NCOA2: variants seen among roughly 807,000 people sequenced by gnomAD.
NCOA2 encodes class E basic helix-loop-helix protein 75.
NCOA2 carries 21 observed loss-of-function variants against 145.1 expected under a neutral mutation model. That is an observed-to-expected ratio of 0.14 (90% confidence interval 0.10 to 0.21). The LOEUF is 0.21. Ranked by LOEUF, NCOA2 falls within the 10% of genes least tolerant of loss-of-function variation. The probability of loss-of-function intolerance (pLI) is 1.00; values close to 1 mark genes in which losing one functional copy is unlikely to be tolerated. For synonymous variants in NCOA2, 619 were observed against 637.5 expected, an observed-to-expected ratio of 0.97 and a Z score of 0.44; for missense variants, 1,472 against 1,837.6, an observed-to-expected ratio of 0.80 and a Z score of 3.64.
At chr8:70,295,168 T>A (rs1302876372) in intron 2 of NCOA2, among the ~76,000 whole-genome samples, 1 of 152,162 alleles carries the variant, frequency 6.6e-6, no homozygotes, top group Admixed American at 6.5e-5. Flanking sequence ...GTAGTCAGCT[T>A]ATAAAATTAT....
chr8:70,355,748 A>G (rs1400288092), intron 1 of NCOA2, among the ~76,000 whole-genome samples: 1 of 152,122 alleles, frequency 6.6e-6, no homozygotes, highest in East Asian at 1.9e-4. Flanking sequence ...CTGAAGCCCT[A>G]GGCTAAGAAA....
chr8:70,130,599 T>C (rs1034768040), intron 16 of NCOA2, among the ~76,000 whole-genome samples: 3 of 152,232 alleles, frequency 2.0e-5, no homozygotes, highest in Non-Finnish European at 4.4e-5. Flanking sequence ...ATTCTGCTGT[T>C]TTCAATATGA....
intron 4 of NCOA2, among the ~76,000 whole-genome samples, chr8:70,206,018 G>A (rs1335577775): frequency 6.6e-6 from 1 of 152,242 alleles, no homozygotes; most frequent in African/African-American, 2.4e-5. Flanking sequence ...AAGTACAAGA[G>A]AGGGCTGAGC....
intron 4 of NCOA2, among the ~76,000 whole-genome samples, chr8:70,190,531 C>T (rs570713782): frequency 1.6e-4 from 25 of 152,190 alleles, no homozygotes; most frequent in South Asian, 1.5e-3. Context: ...GCTCTTCAGA[C>T]GAATTACTAT....
At chr8:70,407,006 T>C (rs1171055453), upstream of NCOA2, among the ~76,000 whole-genome samples, 1 of 152,198 alleles carries the variant, frequency 6.6e-6, no homozygotes, top group East Asian at 1.9e-4. Flanking sequence ...AGACTCAAAA[T>C]GGTGTAAATA....
intron 11 of NCOA2, among the ~76,000 whole-genome samples, chr8:70,148,857 AGGTCTAG>A (rs1425885696): frequency 6.6e-6 from 1 of 152,224 alleles, no homozygotes; most frequent in Non-Finnish European, 1.5e-5. Flanking sequence ...ACTTTGGTCC[AGGTCTAG>A]GTTTTATCAT....
chr8:70,219,655 G>A (rs1028075418), intron 2 of NCOA2, among the ~76,000 whole-genome samples: 12 of 152,018 alleles, frequency 7.9e-5, no homozygotes, highest in Admixed American at 2.6e-4. Flanking sequence ...GGGAGCGAAT[G>A]TAACACTGAC....
chr8:70,329,647 A>C (rs2136276926), intron 1 of NCOA2, among the ~76,000 whole-genome samples: 1 of 152,276 alleles, frequency 6.6e-6, no homozygotes, highest in African/African-American at 2.4e-5. Context: ...ATAACACCAA[A>C]ATAGAAAGTG....
At chr8:70,213,673 A>C (rs1819286564) in intron 4 of NCOA2, among the ~76,000 whole-genome samples, 1 of 152,214 alleles carries the variant, frequency 6.6e-6, no homozygotes, top group African/African-American at 2.4e-5. Context: ...AAGTTCCATC[A>C]CCCTGACTCA....
At chr8:70,249,692 G>A (rs553803460) in intron 2 of NCOA2, among the ~76,000 whole-genome samples, 21 of 152,274 alleles carry the variant, frequency 1.4e-4, no homozygotes, top group African/African-American at 5.1e-4. Context: ...GCCGGGTGCA[G>A]TGGCTCATGT....
chr8:70,135,028 C>G (rs961551421), intron 15 of NCOA2, among the ~76,000 whole-genome samples: 2 of 152,110 alleles, frequency 1.3e-5, no homozygotes, highest in Non-Finnish European at 2.9e-5. Flanking sequence ...CAGGAAAACG[C>G]CCCTGGAATA....
At chr8:70,347,981 T>C (rs1451834291) in intron 1 of NCOA2, among the ~76,000 whole-genome samples, 1 of 152,236 alleles carries the variant, frequency 6.6e-6, no homozygotes, top group Non-Finnish European at 1.5e-5. Context: ...ATTTTAATTA[T>C]TTTCAATCAA....
intron 1 of NCOA2, chr8:70,402,480 T>C (rs1260146847): frequency 1.3e-5 from 2 of 151,916 alleles, no homozygotes; most frequent in East Asian, 2.0e-4. Flanking sequence ...GGAGGGGCCA[T>C]CTAACCAGGG....
the NCOA2 span, among the ~76,000 whole-genome samples, chr8:70,436,575 C>T: frequency 2.3e-4 from 35 of 152,322 alleles, no homozygotes; most frequent in Admixed American, 1.4e-3. Flanking sequence ...TTTTGCCACA[C>T]ATTTCATAGT....
the NCOA2 span, among the ~76,000 whole-genome samples, chr8:70,439,131 C>T: frequency 2.0e-5 from 3 of 152,112 alleles, no homozygotes; most frequent in Non-Finnish European, 2.9e-5. Context: ...TAAAATACTG[C>T]CTTTTTTTCC....
At chr8:70,207,860 C>A (rs2133745657) in intron 4 of NCOA2, among the ~76,000 whole-genome samples, 2 of 63,624 alleles carry the variant, frequency 3.1e-5, no homozygotes. Context: ...CTGACTCCAC[C>A]TCAAAAAAAA....
intron 2 of NCOA2, among the ~76,000 whole-genome samples, chr8:70,267,093 A>G (rs1824662549): frequency 6.6e-6 from 1 of 152,194 alleles, no homozygotes; most frequent in Admixed American, 6.5e-5. Context: ...CATCTATACA[A>G]GAACAATGGA....
At chr8:70,426,691 G>T in the NCOA2 span, among the ~76,000 whole-genome samples, 6 of 152,194 alleles carry the variant, frequency 3.9e-5, no homozygotes, top group Non-Finnish European at 5.9e-5. Flanking sequence ...CTTGCACCTT[G>T]TTCTGTGCCC....
At chr8:70,279,712 G>A (rs1190467308) in intron 2 of NCOA2, among the ~76,000 whole-genome samples, 1 of 152,208 alleles carries the variant, frequency 6.6e-6, no homozygotes, top group Non-Finnish European at 1.5e-5. Context: ...ATGGACCAGT[G>A]AGAGTCATTC....
Sources: gnomAD v4.1 joint callset for allele counts (sites outside exome capture counted in the v4.1 genomes callset) on GRCh38, gnomAD v4.1.1 for gene constraint, MANE v1.5 for transcripts, NCBI Gene and HGNC (gene_info 2026-07-23, HGNC 2026-07-21) for gene names.